The following BCAS3 variants were observed in gnomAD, a reference collection of about 807,000 sequenced individuals.
The protein encoded by BCAS3 is BCAS3 microtubule associated cell migration factor.
In BCAS3, 53 loss-of-function variants were observed where a neutral mutation model predicts 116.1. That is an observed-to-expected ratio of 0.46 (90% CI 0.37 to 0.57). The LOEUF (loss-of-function observed/expected upper bound fraction) is 0.57. Ranked by LOEUF, BCAS3 falls within the 20% of genes least tolerant of loss-of-function variation. The pLI is 0.00. For missense variants in BCAS3, 917 were observed against 1,165.4 expected (o/e 0.79, Z 3.10); for synonymous variants, 391 against 408.2 (o/e 0.96, Z 0.51).
chr17:61,345,291 G>A (rs1213701701), intron 22 of BCAS3, among the ~76,000 whole-genome samples: 5 of 152,224 alleles, frequency 3.3e-5, no homozygotes, highest in African/African-American at 1.2e-4. Context: ...TTCTTTGGGG[G>A]CTGTGTTTTG....
chr17:61,069,216 C>A (rs1038534720), intron 19 of BCAS3, among the ~76,000 whole-genome samples: 2 of 152,000 alleles, frequency 1.3e-5, no homozygotes, highest in Non-Finnish European at 2.9e-5. Context: ...TCAAAGATTG[C>A]AGATTTACAG....
intron 22 of BCAS3, among the ~76,000 whole-genome samples, chr17:61,133,474 G>A (rs921632524): frequency 1.3e-5 from 2 of 152,158 alleles, no homozygotes; most frequent in Non-Finnish European, 2.9e-5. Flanking sequence ...TGGACTAATT[G>A]CCAAGTTTGT....
intron 4 of BCAS3, among the ~76,000 whole-genome samples, chr17:60,701,394 C>G (rs2036365492): frequency 6.6e-6 from 1 of 152,136 alleles, no homozygotes; most frequent in Non-Finnish European, 1.5e-5. Context: ...TGAGTTTTTA[C>G]AAATCCAATG....
At chr17:60,689,798 T>C (rs1026941572) in intron 4 of BCAS3, 37 bp downstream of exon 4, 1 of 1,425,354 alleles carries the variant, frequency 7.0e-7, no homozygotes, top group African/African-American at 1.4e-5. Flanking sequence ...TGTGAATTAA[T>C]TGTTTGTTTG....
chr17:60,747,344 A>G, intron 6 of BCAS3, 65 bp downstream of exon 6: 1 of 1,314,652 alleles, frequency 7.6e-7, no homozygotes, highest in African/African-American at 1.5e-5. Flanking sequence ...GTCTTGGACT[A>G]CAGGCAGCAA....
At chr17:60,789,664 G>A (rs749878587) in intron 6 of BCAS3, among the ~76,000 whole-genome samples, 2 of 152,064 alleles carry the variant, frequency 1.3e-5, no homozygotes, top group Non-Finnish European at 2.9e-5. Flanking sequence ...TGTGTGTAAC[G>A]TCATTCTCTC....
intron 22 of BCAS3, among the ~76,000 whole-genome samples, chr17:61,280,604 C>A (rs1280890430): frequency 6.6e-6 from 1 of 152,082 alleles, no homozygotes; most frequent in East Asian, 1.9e-4. Flanking sequence ...ACAGTACCTA[C>A]CTTGGAGTGT....
At chr17:60,737,030 C>G (rs1158331561) in intron 5 of BCAS3, among the ~76,000 whole-genome samples, 2 of 152,038 alleles carry the variant, frequency 1.3e-5, no homozygotes, top group African/African-American at 4.8e-5. Flanking sequence ...ACTGCTGCCT[C>G]CCAGGTTCAA....
intron 5 of BCAS3, among the ~76,000 whole-genome samples, chr17:60,746,753 A>G (rs1189539723): frequency 6.6e-6 from 1 of 152,188 alleles, no homozygotes; most frequent in Non-Finnish European, 1.5e-5. Flanking sequence ...CCATAAGTAT[A>G]CCTAAGTTAT....
intron 22 of BCAS3, among the ~76,000 whole-genome samples, chr17:61,264,692 G>A (rs1294647534): frequency 6.6e-6 from 1 of 152,176 alleles, no homozygotes; most frequent in African/African-American, 2.4e-5. Context: ...ACAGGTGTGA[G>A]CCACCATACC....
At chr17:60,780,556 G>A (rs1256350835) in intron 6 of BCAS3, among the ~76,000 whole-genome samples, 48 of 151,762 alleles carry the variant, frequency 3.2e-4, no homozygotes, top group Non-Finnish European at 6.6e-4. Context: ...ACCTGCCTTA[G>A]CCCCCCAAAG....
intron 6 of BCAS3, among the ~76,000 whole-genome samples, chr17:60,776,756 A>T (rs1399858216): frequency 6.6e-6 from 1 of 150,818 alleles, no homozygotes; most frequent in Non-Finnish European, 1.5e-5. Context: ...TTGCTCACGC[A>T]TGTAATCCCA....
At position 61,217,199 on chromosome 17, in the gene BCAS3, C is replaced by A. The variant is rs1278541263; in HGVS notation, c.2425+132635C>A. On this transcript the variant is annotated intron_variant, in intron 22 of 23. Coordinates refer to ENST00000407086, the MANE Select transcript of BCAS3 (RefSeq NM_017679.5). This position sits in a 1 kb window ranked among gnomAD's most constrained non-coding sequence, Gnocchi z 5.2. ...TCAGGAGGCTGAGGCAGGAGAATCG[C>A]TTGAACCCAGGAGGCGGAGGTTGCA... Among the ~76,000 whole-genome samples the A allele has an allele frequency of 1.3e-5, 2 of 152,142 alleles. No individual in the cohort carries two copies. Among genetic ancestry groups the A allele is most frequent in the Non-Finnish European group, 2.9e-5 (2 of 68,040 alleles).
chr17:61,091,151 A>G (rs569198847), intron 22 of BCAS3, among the ~76,000 whole-genome samples: 1 of 152,342 alleles, frequency 6.6e-6, no homozygotes, highest in East Asian at 1.9e-4. Flanking sequence ...CTTTGTGTCA[A>G]CTAAAACCTT....
chr17:60,724,543 G>A (rs1417874929), intron 5 of BCAS3, among the ~76,000 whole-genome samples: 2 of 151,440 alleles, frequency 1.3e-5, no homozygotes, highest in Admixed American at 6.6e-5. Flanking sequence ...TGGCCAACAC[G>A]GTGAAACCCC....
rs1287962974 is a variant in BCAS3 at position 61,189,371 on chromosome 17, A to T, written c.2425+104807A>T. Among the ~76,000 whole-genome samples the T allele has an allele frequency of 2.6e-5, 4 of 152,258 alleles. No homozygotes were observed. Among genetic ancestry groups the T allele is most frequent in the African/African-American group, 9.6e-5 (4 of 41,464 alleles). ...TGACCTTGCCATCATATAAAGTCCT[A>T]GCAGGCAAGTCATAAGATATTAATC... On this transcript the variant is annotated intron_variant, in intron 22 of 23. Transcript: ENST00000407086. The surrounding 1 kb of genome is among the most constrained non-coding windows in gnomAD (Gnocchi z 4.5).
chr17:60,868,201 T>C (rs1158151277), intron 7 of BCAS3, among the ~76,000 whole-genome samples: 1 of 151,832 alleles, frequency 6.6e-6, no homozygotes, highest in African/African-American at 2.4e-5. Flanking sequence ...ATTTTTGTAT[T>C]TTTTTAGTGG....
In BCAS3 at chr17:60,908,015, C is replaced by T. The variant is rs2058279270; in HGVS notation, c.823-2517C>T. Among the ~76,000 whole-genome samples the T allele has an allele frequency of 4.6e-5, 7 of 152,300 alleles. No individual in the cohort carries two copies. In the South Asian group the frequency reaches 1.4e-3, roughly 32 times the overall value. ...GAAAACTTCCAGCACTTTTCTCTAA[C>T]ACCCCTGACTCCCTGCATAGTTAAT... On this transcript the variant is annotated intron_variant, in intron 11 of 23. Coordinates refer to ENST00000407086, the MANE Select transcript of BCAS3 (RefSeq NM_017679.5).
rs1446977049 is a variant in BCAS3 at position 61,063,537 on chromosome 17, G to T, written c.2030-11383G>T. On this transcript the variant is annotated intron_variant, in intron 19 of 23. Coordinates refer to ENST00000407086, the MANE Select transcript of BCAS3 (RefSeq NM_017679.5). The surrounding 1 kb of genome is among the most constrained non-coding windows in gnomAD (Gnocchi z 5.3). ...CCACCTCGGCCTCCCAAAGTGCTGG[G>T]ATTACAGGCATGAGCCACCATGCCC... Among the ~76,000 whole-genome samples the T allele has an allele frequency of 6.6e-6, 1 of 152,148 alleles. No homozygotes were observed. Among genetic ancestry groups the T allele is most frequent in the Non-Finnish European group, 1.5e-5 (1 of 68,022 alleles).
Sources: gnomAD v4.1 joint callset for allele counts (sites outside exome capture counted in the v4.1 genomes callset) on GRCh38, gnomAD v4.1.1 for gene constraint, Gnocchi (gnomAD v3.1) non-coding constraint, MANE v1.5 for transcripts, NCBI Gene and HGNC (gene_info 2026-07-23, HGNC 2026-07-21) for gene names.